The following SPTBN1 variants were observed in gnomAD, a reference collection of about 807,000 sequenced individuals.
SPTBN1 encodes spectrin beta chain, non-erythrocytic 1.
SPTBN1 carries 32 observed loss-of-function variants against 266.4 expected under a neutral mutation model. The observed-to-expected ratio is 0.12, with a 90% CI of 0.09 to 0.16. The LOEUF is 0.16. Among genes scored for constraint, SPTBN1 ranks in the 10% least tolerant of loss-of-function variants. The pLI is 1.00. For synonymous variants in SPTBN1, 1,336 were observed against 1,162.2 expected (o/e 1.15, Z -3.04); for missense variants, 2,296 against 3,067.1 (o/e 0.75, Z 5.94).
At chr2:54,648,486 G>A (rs923807125) in intron 24 of SPTBN1, among the ~76,000 whole-genome samples, 3 of 152,218 alleles carry the variant, frequency 2.0e-5, no homozygotes, top group South Asian at 2.1e-4. Context: ...AGGGCCTTGC[G>A]TGCCACACTG....
rs1672734067 is a variant in SPTBN1 at position 54,554,159 on chromosome 2, G to C, written c.148+27593G>C. Among the ~76,000 whole-genome samples, 1 of 152,192 alleles carries C rather than the reference G, an allele frequency of 6.6e-6. No individual in the cohort carries two copies. ...TAGGTTAATCTTGATACCACTTACTGAGTTCTGTGATTTTTCAGAAAAGCT... is the reference window on the plus strand; with the variant it reads ...TAGGTTAATCTTGATACCACTTACTCAGTTCTGTGATTTTTCAGAAAAGCT... On this transcript the variant is annotated intron_variant, in intron 2 of 35. Coordinates refer to ENST00000356805, the MANE Select transcript of SPTBN1 (RefSeq NM_003128.3). The surrounding 1 kb of genome is among the most constrained non-coding windows in gnomAD (Gnocchi z 4.5).
At chr2:54,572,071 T>A (rs1470981173) in intron 2 of SPTBN1, among the ~76,000 whole-genome samples, 1 of 121,252 alleles carries the variant, frequency 8.2e-6, no homozygotes, top group African/African-American at 3.1e-5. Flanking sequence ...GACTCTCACA[T>A]ACTCCCTAGG....
chr2:54,518,790 G>C (rs1021724650), intron 1 of SPTBN1, among the ~76,000 whole-genome samples: 1 of 152,158 alleles, frequency 6.6e-6, no homozygotes, highest in African/African-American at 2.4e-5. Flanking sequence ...TTTTAAGATT[G>C]GGTATTAAGG....
At chr2:54,644,124 A>G (rs539208329) in intron 19 of SPTBN1, among the ~76,000 whole-genome samples, 199 bp from the exon 20 acceptor site, 1 of 152,282 alleles carries the variant, frequency 6.6e-6, no homozygotes, top group South Asian at 2.1e-4. Flanking sequence ...TTTATTGCTT[A>G]ATTCCCATGA....
intron 1 of SPTBN1, among the ~76,000 whole-genome samples, chr2:54,494,052 C>G (rs1427424096): frequency 6.6e-6 from 1 of 152,148 alleles, no homozygotes; most frequent in Non-Finnish European, 1.5e-5. Context: ...GAGAAAAATG[C>G]AATTAATGGT....
chr2:54,668,651 T>A lies in SPTBN1; in HGVS notation c.*82T>A. On this transcript the variant is annotated 3_prime_UTR_variant, in exon 36 of 36. Coordinates refer to ENST00000356805, the MANE Select transcript of SPTBN1 (RefSeq NM_003128.3). ...CAAGCTCAGAACCAACACATTACTC[T>A]CTGTGCCTAATGTTCCTCAATGTGG... 8.6e-7 allele frequency: 1 copy of A among 1,163,494 alleles called. No individual in the cohort carries two copies. The highest frequency in any genetic ancestry group is 1.2e-6 in the Non-Finnish European group (1 of 848,362). The allele number at this position is 1,163,494 out of a possible 1,614,324, so 72.1% of individuals were successfully genotyped here.
chr2:54,667,904 T>C, intron 35 of SPTBN1, among the ~76,000 whole-genome samples: 1 of 152,142 alleles, frequency 6.6e-6, no homozygotes, highest in East Asian at 1.9e-4. Flanking sequence ...GGATGAGGCA[T>C]AGTGAGGTGG....
chr2:54,458,254 T>G (rs1202292454), intron 1 of SPTBN1, among the ~76,000 whole-genome samples: 3 of 152,240 alleles, frequency 2.0e-5, no homozygotes, highest in East Asian at 1.9e-4. Context: ...ACTAAGACAT[T>G]TATAAGTATA....
At chr2:54,571,918 C>A (rs1055373831) in intron 2 of SPTBN1, among the ~76,000 whole-genome samples, 3 of 152,132 alleles carry the variant, frequency 2.0e-5, no homozygotes, top group Admixed American at 2.0e-4. Flanking sequence ...ATAATTTTGT[C>A]CATGATGTGG....
At position 54,612,150 on chromosome 2, in the gene SPTBN1, C is replaced by A; in HGVS notation, c.301-11C>A. On this transcript the variant is annotated splice_polypyrimidine_tract_variant and intron_variant, in intron 3 of 35. Coordinates refer to ENST00000356805, the MANE Select transcript of SPTBN1 (RefSeq NM_003128.3). ...GGTGATGTGTCTCTACCTCTGCTCT[C>A]CTGTTTCTAGCCTAAACCCACCAAG... 1 of 1,579,902 alleles carries A rather than the reference C, an allele frequency of 6.3e-7. No homozygotes were observed. Among genetic ancestry groups the A allele is most frequent in the South Asian group, 1.2e-5 (1 of 86,574 alleles).
chr2:54,548,864 A>C (rs1340519373), intron 2 of SPTBN1, among the ~76,000 whole-genome samples: 1 of 152,224 alleles, frequency 6.6e-6, no homozygotes, highest in Non-Finnish European at 1.5e-5. Context: ...CTAGGCTGGC[A>C]TAGGCTCTCT....
At chr2:54,492,825 AAAT>A (rs1395518963) in intron 1 of SPTBN1, among the ~76,000 whole-genome samples, 1 of 151,858 alleles carries the variant, frequency 6.6e-6, no homozygotes, top group Non-Finnish European at 1.5e-5. Flanking sequence ...AAGTTAATAG[AAAT>A]AATAAAAGCT....
Position 54,653,869 on chromosome 2 carries a change from C to T in SPTBN1, c.5822+16C>T, listed in dbSNP as rs1281995845. 6.2e-7 allele frequency: 1 copy of T among 1,600,816 alleles called. No homozygotes were observed. Among genetic ancestry groups the T allele is most frequent in the Admixed American group, 1.8e-5 (1 of 54,710 alleles). On this transcript the variant is annotated intron_variant, in intron 27 of 35. Transcript: ENST00000356805. The surrounding 1 kb of genome is among the most constrained non-coding windows in gnomAD (Gnocchi z 5.1). ...AGAAGCCAAGGTAACGCTTTCAGCC[C>T]AAAGGAAATTGGACTTATTGGCGCT...
chr2:54,487,773 A>G (rs534109483), intron 1 of SPTBN1, among the ~76,000 whole-genome samples: 2 of 150,822 alleles, frequency 1.3e-5, no homozygotes, highest in Admixed American at 1.3e-4. Flanking sequence ...AGAATTTCAC[A>G]TTCTTAAATT....
At chr2:54,618,809 G>A (rs1256562252) in intron 7 of SPTBN1, among the ~76,000 whole-genome samples, 1 of 152,154 alleles carries the variant, frequency 6.6e-6, no homozygotes, top group Non-Finnish European at 1.5e-5. Flanking sequence ...AGGGGTGGAA[G>A]GAGCAGCAGT....
In SPTBN1 at chr2:54,649,187, C is replaced by T. The variant is rs191889630; in HGVS notation, c.5199C>T (p.Val1733=). The T allele has an allele frequency of 2.5e-6, 4 of 1,595,548 alleles. No individual in the cohort carries two copies. The East Asian group carries it at 6.8e-5, about 27-fold the overall frequency. Residue 1733 remains valine (V), a synonymous_variant, in exon 25 of 36, where the codon GTC becomes GTT. Coordinates refer to ENST00000356805, the MANE Select transcript of SPTBN1 (RefSeq NM_003128.3). This position sits in a 1 kb window ranked among gnomAD's most constrained non-coding sequence, Gnocchi z 6.7. ...SHELGQDYEH[V]TMLQERFREF... is the part of the protein sequence containing the mutation. Reference sequence around the variant, plus strand: ...AACTGGGACAGGACTATGAGCATGTCACGGCAAGTACTTGAGGCAGTGCAT... The same window carrying T: ...AACTGGGACAGGACTATGAGCATGTTACGGCAAGTACTTGAGGCAGTGCAT...
chr2:54,657,373 G>C (rs575915611), intron 29 of SPTBN1, among the ~76,000 whole-genome samples: 17 of 152,334 alleles, frequency 1.1e-4, no homozygotes, highest in African/African-American at 3.8e-4. Context: ...CTTAGCTCAT[G>C]AAGTGGGGCC....
rs139612743 is a variant in SPTBN1 at position 54,562,577 on chromosome 2, G to C, written c.148+36011G>C. On this transcript the variant is annotated intron_variant, in intron 2 of 35. Transcript: ENST00000356805. ...AGGTCTGCTTCTGTTGCTCAGGCTGGAGTGCAGTGGTGTGATGATCTTGGC... is the reference window on the plus strand; with the variant it reads ...AGGTCTGCTTCTGTTGCTCAGGCTGCAGTGCAGTGGTGTGATGATCTTGGC... 2.0e-4 allele frequency among the ~76,000 whole-genome samples: 26 copies of C among 128,058 alleles called. No homozygotes were observed. In the East Asian group the frequency reaches 5.2e-3, roughly 26 times the overall value. The allele number at this position is 128,058 out of a possible 152,430, so 84.0% of individuals were successfully genotyped here. A position where few individuals can be genotyped will look rare whatever the true frequency, so the allele number is the denominator to read the frequency against.
chr2:54,536,183 A>G (rs917267865), intron 2 of SPTBN1, among the ~76,000 whole-genome samples: 2 of 152,252 alleles, frequency 1.3e-5, no homozygotes, highest in Non-Finnish European at 1.5e-5. Flanking sequence ...GTTTTCTACC[A>G]AAGTGGACCT....
Sources: gnomAD v4.1 joint callset for allele counts (sites outside exome capture counted in the v4.1 genomes callset) on GRCh38, gnomAD v4.1.1 for gene constraint, Gnocchi (gnomAD v3.1) non-coding constraint, MANE v1.5 for transcripts, NCBI Gene and HGNC (gene_info 2026-07-23, HGNC 2026-07-21) for gene names.